NAALADL2: variants seen among roughly 807,000 people sequenced by gnomAD.
NAALADL2 encodes the protein inactive N-acetylated-alpha-linked acidic dipeptidase-like protein 2.
A neutral mutation model predicts 87.2 loss-of-function variants in NAALADL2; 76 were observed. The observed-to-expected ratio is 0.87, with a 90% CI of 0.72 to 1.05. The LOEUF is 1.05. NAALADL2 is among the 50% of genes least tolerant of loss of function. The pLI is 0.00. For missense variants in NAALADL2, 1,089 were observed against 945.8 expected, an observed-to-expected ratio of 1.15 and a Z score of -1.99; for synonymous variants, 354 against 331.0, an observed-to-expected ratio of 1.07 and a Z score of -0.75.
intron 11 of NAALADL2, among the ~76,000 whole-genome samples, chr3:175,667,818 T>C (rs144228291): frequency 1.5e-3 from 231 of 151,008 alleles, no homozygotes; most frequent in African/African-American, 5.2e-3. Context: ...TACCTGTGAG[T>C]CTATCATGAG....
intron 2 of NAALADL2, among the ~76,000 whole-genome samples, chr3:174,580,423 CAT>C (rs1716036799): frequency 1.3e-5 from 2 of 152,122 alleles, no homozygotes; most frequent in Middle Eastern, 3.4e-3. Flanking sequence ...AAATACTTGA[CAT>C]ATAATAAACT....
intron 4 of NAALADL2, among the ~76,000 whole-genome samples, chr3:175,304,757 A>G (rs1757490592): frequency 6.6e-6 from 1 of 152,296 alleles, no homozygotes; most frequent in South Asian, 2.1e-4. Flanking sequence ...AGTTGTGACA[A>G]ATTTGTTCCA....
At chr3:175,634,817 TA>T (rs201738470) in intron 11 of NAALADL2, among the ~76,000 whole-genome samples, 2 of 152,016 alleles carry the variant, frequency 1.3e-5, no homozygotes, top group Non-Finnish European at 2.9e-5. Context: ...TTAGAGCTTT[TA>T]AAAAAATTCA....
intron 4 of NAALADL2, among the ~76,000 whole-genome samples, chr3:175,309,863 G>A (rs1022171098): frequency 6.6e-6 from 1 of 152,146 alleles, no homozygotes; most frequent in Non-Finnish European, 1.5e-5. Flanking sequence ...CAGGGCAGAT[G>A]TCATCCCTTT....
intron 2 of NAALADL2, among the ~76,000 whole-genome samples, chr3:174,651,332 T>A (rs1425917742): frequency 1.3e-5 from 2 of 152,198 alleles, no homozygotes; most frequent in Non-Finnish European, 2.9e-5. Flanking sequence ...ACAACTCAGT[T>A]TATTATGTAG....
chr3:174,684,954 C>A (rs1346526848), intron 2 of NAALADL2, among the ~76,000 whole-genome samples: 1 of 152,090 alleles, frequency 6.6e-6, no homozygotes, highest in African/African-American at 2.4e-5. Flanking sequence ...TGTCCTCATT[C>A]ATCTTCTTGT....
intron 2 of NAALADL2, among the ~76,000 whole-genome samples, chr3:174,671,188 A>G (rs780509168): frequency 4.0e-4 from 61 of 152,042 alleles, no homozygotes; most frequent in Non-Finnish European, 7.5e-4. Flanking sequence ...CCTGATAGTA[A>G]TGCAAGAATA....
chr3:174,506,353 G>A (rs761015827), intron 1 of NAALADL2, among the ~76,000 whole-genome samples: 3 of 151,676 alleles, frequency 2.0e-5, no homozygotes, highest in Non-Finnish European at 2.9e-5. Context: ...CCTAATTTTT[G>A]TATTTTTAGA....
At chr3:175,047,442 C>T (rs1452348350) in intron 1 of NAALADL2, among the ~76,000 whole-genome samples, 1 of 152,058 alleles carries the variant, frequency 6.6e-6, no homozygotes, top group Non-Finnish European at 1.5e-5. Context: ...ATTCTTCAAA[C>T]ATTTATTTAT....
intron 3 of NAALADL2, among the ~76,000 whole-genome samples, chr3:175,249,935 C>T (rs914167578): frequency 2.6e-5 from 4 of 151,896 alleles, no homozygotes; most frequent in Non-Finnish European, 5.9e-5. Context: ...TTTGGGAGGC[C>T]GAGGCAGACG....
Position 175,615,903 on chromosome 3 carries a change from T to C in NAALADL2, c.1801-11388T>C, listed in dbSNP as rs145744491. On this transcript the variant is annotated intron_variant, in intron 10 of 13. Coordinates refer to ENST00000454872, the MANE Select transcript of NAALADL2 (RefSeq NM_207015.3). ...ATAATATATATGTATATAAAATACG[T>C]ATAATATATATTTATATTATTACAT... Among the ~76,000 whole-genome samples the C allele has an allele frequency of 4.3e-3, 639 of 147,702 alleles. 5 individuals are homozygous for C. The highest frequency in any genetic ancestry group is 7.0e-3 in the Non-Finnish European group (469 of 67,210).
chr3:174,984,035 A>G (rs1745482157), intron 1 of NAALADL2, among the ~76,000 whole-genome samples: 2 of 152,150 alleles, frequency 1.3e-5, no homozygotes, highest in Admixed American at 6.5e-5. Context: ...GCATCTTCAG[A>G]CCTTTATTTG....
At chr3:174,797,819 T>A (rs941099550) in intron 3 of NAALADL2, among the ~76,000 whole-genome samples, 5 of 152,190 alleles carry the variant, frequency 3.3e-5, no homozygotes, top group African/African-American at 9.6e-5. Context: ...TTTTATGGGT[T>A]ATGTTTTCAT....
chr3:174,576,490 A>T lies in NAALADL2; in HGVS notation c.-115+25853A>T, dbSNP rs765896224. ...AATATAAACATGTGAAATGGAAGTAATATCTAATATTTCTATTTAGATATT... is the reference window on the plus strand; with the variant it reads ...AATATAAACATGTGAAATGGAAGTATTATCTAATATTTCTATTTAGATATT... On this transcript the variant is annotated intron_variant, in intron 2 of 3. Coordinates refer to the NAALADL2 transcript ENST00000434257. 1.5e-3 allele frequency among the ~76,000 whole-genome samples: 223 copies of T among 152,336 alleles called. 1 individual carries two copies. The highest frequency in any genetic ancestry group is 2.2e-3 in the Admixed American group (34 of 15,298).
intron 3 of NAALADL2, among the ~76,000 whole-genome samples, chr3:174,832,374 G>A (rs1722825193): frequency 6.6e-6 from 1 of 152,118 alleles, no homozygotes; most frequent in African/African-American, 2.4e-5. Flanking sequence ...GTACCCAGTA[G>A]TCATTCAGGA....
chr3:175,536,541 A>G (rs937936372), intron 9 of NAALADL2, among the ~76,000 whole-genome samples: 1 of 152,192 alleles, frequency 6.6e-6, no homozygotes, highest in Non-Finnish European at 1.5e-5. Context: ...AATACATGAT[A>G]TTTAATTGAT....
At chr3:175,217,629 T>G (rs1216378142) in intron 2 of NAALADL2, among the ~76,000 whole-genome samples, 1 of 152,212 alleles carries the variant, frequency 6.6e-6, no homozygotes, top group Non-Finnish European at 1.5e-5. Flanking sequence ...AATATAATTA[T>G]GTAACATTAT....
At chr3:175,684,326 AT>A (rs1179992799) in intron 11 of NAALADL2, among the ~76,000 whole-genome samples, 1 of 152,158 alleles carries the variant, frequency 6.6e-6, no homozygotes, top group African/African-American at 2.4e-5. Flanking sequence ...TAGTTAAGCT[AT>A]TTTTAACTTA....
chr3:175,119,502 G>A (rs1580550730), intron 2 of NAALADL2, among the ~76,000 whole-genome samples: 1 of 151,184 alleles, frequency 6.6e-6, no homozygotes, highest in Admixed American at 6.6e-5. Context: ...AAAGACAAAG[G>A]AGGTGGGAAG....
Sources: gnomAD v4.1 joint callset for allele counts (sites outside exome capture counted in the v4.1 genomes callset) on GRCh38, gnomAD v4.1.1 for gene constraint, MANE v1.5 for transcripts, NCBI Gene and HGNC (gene_info 2026-07-23, HGNC 2026-07-21) for gene names.